ASH1L: variants seen among roughly 807,000 people sequenced by gnomAD.
The protein encoded by ASH1L is ASH1 like histone lysine methyltransferase.
In ASH1L, 23 loss-of-function variants were observed where a neutral mutation model predicts 269.0. The ratio of observed to expected loss-of-function variants is 0.09; its 90% CI spans 0.06 to 0.12. The LOEUF (loss-of-function observed/expected upper bound fraction) is 0.12, where lower values mean the gene tolerates loss of function less well. ASH1L is among the 10% of genes least tolerant of loss of function. The pLI, the probability that ASH1L is intolerant of heterozygous loss-of-function variation, is 1.00. For missense variants in ASH1L, 2,912 were observed against 3,567.8 expected, an observed-to-expected ratio of 0.82 and a Z score of 4.68; for synonymous variants, 1,187 against 1,253.5, an observed-to-expected ratio of 0.95 and a Z score of 1.12.
intron 2 of ASH1L, among the ~76,000 whole-genome samples, chr1:155,505,686 A>G (rs1237301819): frequency 1.3e-5 from 2 of 152,188 alleles, no homozygotes; most frequent in Non-Finnish European, 2.9e-5. Flanking sequence ...TACTAAAAAC[A>G]CTGAACTGTA....
In ASH1L at chr1:155,562,415, T is replaced by C; in HGVS notation, c.-362A>G. The C allele has an allele frequency of 6.7e-7, 1 of 1,487,530 alleles. No individual in the cohort carries two copies. Among genetic ancestry groups the C allele is most frequent in the Non-Finnish European group, 9.1e-7 (1 of 1,096,268 alleles). 92.1% of individuals were successfully genotyped at this position (1,487,530 alleles called of 1,614,324 possible). Reference sequence around the variant, plus strand: ...TCCCCTCCGCAAAGCGAACCCAAAATGGCGGCGGGAGCGGCGGCGGCGGCG... The same window carrying C: ...TCCCCTCCGCAAAGCGAACCCAAAACGGCGGCGGGAGCGGCGGCGGCGGCG... On this transcript the variant is annotated 5_prime_UTR_variant, in exon 1 of 28. Transcript: ENST00000392403.
chr1:155,477,225 G>A (rs1665623898), intron 3 of ASH1L, among the ~76,000 whole-genome samples: 1 of 152,082 alleles, frequency 6.6e-6, no homozygotes, highest in Non-Finnish European at 1.5e-5. Flanking sequence ...ATAATTAAGA[G>A]AGAAAAAGAT....
At chr1:155,557,512 C>T (rs1246288511) in intron 1 of ASH1L, among the ~76,000 whole-genome samples, 2 of 151,856 alleles carry the variant, frequency 1.3e-5, no homozygotes, top group African/African-American at 4.8e-5. Flanking sequence ...GTTCTCCTGA[C>T]CTTGTGATCC....
intron 3 of ASH1L, among the ~76,000 whole-genome samples, chr1:155,468,230 TA>T (rs1050940631): frequency 6.1e-4 from 69 of 112,932 alleles, no homozygotes; most frequent in African/African-American, 2.2e-3. Flanking sequence ...TTATTATTAT[TA>T]TTTTTTTTTT....
At chr1:155,402,181 CA>C (rs1447616106) in intron 6 of ASH1L, among the ~76,000 whole-genome samples, 1 of 151,876 alleles carries the variant, frequency 6.6e-6, no homozygotes. Context: ...AACATCATAT[CA>C]GGGTTAAAAT....
At position 155,336,700 on chromosome 1, in the gene ASH1L, T is replaced by C. The variant is rs1248615852; in HGVS notation, c.*960A>G. On this transcript the variant is annotated 3_prime_UTR_variant, in exon 28 of 28. Transcript: ENST00000392403. ...AACTGTACAATTAAGAAAACAAGAG[T>C]AGTGTTTTCAATTGATAATCTATAC... is the stretch of plus-strand genomic sequence containing the variant. The C allele has an allele frequency of 6.6e-6, 1 of 152,206 alleles. No individual in the cohort carries two copies. The highest frequency in any genetic ancestry group is 2.4e-5 in the African/African-American group (1 of 41,328). 9.4% of individuals were successfully genotyped at this position (152,206 alleles called of 1,614,324 possible).
chr1:155,359,886 T>C (rs1393630010), intron 13 of ASH1L, among the ~76,000 whole-genome samples: 8 of 151,674 alleles, frequency 5.3e-5, no homozygotes, highest in Admixed American at 4.0e-4. Flanking sequence ...ACCTCCCATA[T>C]ACTTTTTTTT....
intron 1 of ASH1L, among the ~76,000 whole-genome samples, chr1:155,528,014 G>A (rs1037342157): frequency 1.3e-5 from 2 of 151,946 alleles, no homozygotes; most frequent in African/African-American, 2.4e-5. Context: ...CCAGTCTTAC[G>A]GCTTTAAATT....
At position 155,480,630 on chromosome 1, in the gene ASH1L, C is replaced by T; in HGVS notation, c.2240G>A (p.Cys747Tyr). ...AGAATTACTATTTGATAGTGAGCTA[C>T]ATGAAACGTTTTTAAAAAGCTCTGA... ...ERSELFKNVS[C>Y]SSLSNSNSEP... Residue 747 changes from cysteine to tyrosine, a missense_variant, in exon 3 of 28, where the codon TGT becomes TAT. Transcript: ENST00000392403. 6 of 1,614,092 alleles carry T rather than the reference C, an allele frequency of 3.7e-6. No individual in the cohort carries two copies. The highest frequency in any genetic ancestry group is 5.1e-6 in the Non-Finnish European group (6 of 1,179,994).
At chr1:155,503,221 T>C (rs1667625085) in intron 2 of ASH1L, among the ~76,000 whole-genome samples, 1 of 152,216 alleles carries the variant, frequency 6.6e-6, no homozygotes, top group African/African-American at 2.4e-5. Flanking sequence ...TACAGAAAGA[T>C]GTTAGGATCA....
At chr1:155,349,155 T>C (rs1475414662) in intron 19 of ASH1L, among the ~76,000 whole-genome samples, 172 bp downstream of exon 19, 1 of 152,112 alleles carries the variant, frequency 6.6e-6, no homozygotes, top group Non-Finnish European at 1.5e-5. Context: ...TCTTCATAGA[T>C]AGCCTTCTAT....
rs1040432100 is a variant in ASH1L, at chr1:155,397,040, A to G, written c.6009-1487T>C. 1.2e-4 allele frequency: 18 copies of G among 150,464 alleles called. No homozygotes were observed. In the Admixed American group the frequency reaches 1.2e-3, roughly 10 times the overall value. The allele number at this position is 150,464 out of a possible 1,614,324, so 9.3% of individuals were successfully genotyped here. ...CTCGAGAGGCTAAAGTGAAAGGATC[A>G]CTTGAGCCCGGGGTGGGGCAGAGGC... On this transcript the variant is annotated intron_variant, in intron 6 of 27. Transcript: ENST00000392403.
chr1:155,400,590 C>T (rs941364408), intron 6 of ASH1L, among the ~76,000 whole-genome samples: 5 of 152,084 alleles, frequency 3.3e-5, no homozygotes, highest in African/African-American at 4.8e-5. Flanking sequence ...TAGTAACTGA[C>T]GAAGCTAGGA....
intron 1 of ASH1L, among the ~76,000 whole-genome samples, chr1:155,522,915 GC>G (rs1469586390): frequency 6.6e-6 from 1 of 151,898 alleles, no homozygotes; most frequent in African/African-American, 2.4e-5. Context: ...GGTCTTGAAC[GC>G]CTGACCTCAG....
rs1161207568 is a variant in ASH1L at position 155,361,518 on chromosome 1, C to CAAA, written c.6687-1112_6687-1110dup. 1.9e-3 allele frequency among the ~76,000 whole-genome samples: 70 copies of CAAA among 36,398 alleles called. 6 individuals are homozygous for CAAA. Among genetic ancestry groups the CAAA allele is most frequent in the African/African-American group, 6.8e-3 (52 of 7,676 alleles). The allele number at this position is 36,398 out of a possible 152,430, so 23.9% of individuals were successfully genotyped here. ...GGTGACAGAGTGAGACTCCATCTCA[C>CAAA]AAAAAAAAAAAAAAAAAAAAAAAAA... On this transcript the variant is annotated intron_variant, in intron 12 of 27. Transcript: ENST00000392403.
At position 155,521,500 on chromosome 1, in the gene ASH1L, G is replaced by A. The variant is rs1338615092; in HGVS notation, c.20C>T (p.Ala7Val). MDPRNT[A>V]MLGLGSDSEG... ...GGAATCAGAACCCAATCCTAACATAGCAGTATTTCTAGGGTCCATCACAAG... is the reference window on the plus strand; with the variant it reads ...GGAATCAGAACCCAATCCTAACATAACAGTATTTCTAGGGTCCATCACAAG... The change falls in exon 2 of 28, where the codon GCT (alanine) becomes GTT (valine). Residue 7 changes from alanine (A) to valine (V), a missense_variant. By Grantham distance (64) the Ala-to-Val change is moderately conservative (BLOSUM62 0). Coordinates refer to ENST00000392403, the MANE Select transcript of ASH1L (RefSeq NM_018489.3). The A allele has an allele frequency of 8.1e-6, 13 of 1,612,940 alleles. No individual in the cohort carries two copies. The highest frequency in any genetic ancestry group is 1.1e-5 in the Non-Finnish European group (13 of 1,179,600).
Position 155,452,080 on chromosome 1 carries a change from C to T in ASH1L, c.5086+7717G>A, listed in dbSNP as rs1663520062. On this transcript the variant is annotated intron_variant, in intron 4 of 27. Transcript: ENST00000392403. ...TTTTGAGACAGTCTCACTCTGTCAC[C>T]CAGGCTAGAATGCAGTGGCATGATC... 2.0e-5 allele frequency among the ~76,000 whole-genome samples: 3 copies of T among 150,686 alleles called. No individual in the cohort carries two copies. The South Asian group carries it at 6.3e-4, about 32-fold the overall frequency.
intron 4 of ASH1L, among the ~76,000 whole-genome samples, chr1:155,449,522 G>T (rs942456359): frequency 2.8e-3 from 382 of 134,850 alleles, no homozygotes; most frequent in Middle Eastern, 0.012. Flanking sequence ...AAATGTGGTT[G>T]TTTTTTTTTT....
At chr1:155,507,852 A>C (rs1667915638) in intron 2 of ASH1L, among the ~76,000 whole-genome samples, 1 of 152,230 alleles carries the variant, frequency 6.6e-6, no homozygotes, top group Admixed American at 6.5e-5. Context: ...AGCCTTGGGC[A>C]ACAGACTGCC....
Sources: gnomAD v4.1 joint callset for allele counts (sites outside exome capture counted in the v4.1 genomes callset) on GRCh38, gnomAD v4.1.1 for gene constraint, MANE v1.5 for transcripts, NCBI Gene and HGNC (gene_info 2026-07-23, HGNC 2026-07-21) for gene names.